Variants in PUS1 observed in about 807,000 individuals in gnomAD.
PUS1 encodes pseudouridylate synthase 1 homolog.
Under a neutral mutation model 38.5 loss-of-function variants are expected in PUS1, and 25 were observed. The ratio of observed to expected loss-of-function variants is 0.65; its 90% CI spans 0.47 to 0.91. The LOEUF is 0.91. PUS1 is among the 40% of genes least tolerant of loss of function. PUS1 has a pLI of 0.00. For synonymous variants in PUS1, 282 were observed against 260.4 expected (o/e 1.08, Z -0.80); for missense variants, 597 against 612.3 (o/e 0.97, Z 0.26).
intron 3 of PUS1, chr12:131,932,884 G>A (rs1335884749): frequency 9.3e-6 from 4 of 429,378 alleles, no homozygotes; most frequent in Non-Finnish European, 1.9e-5. Context: ...GCTCAAGATT[G>A]GGCAGTTTAT....
chr12:131,932,241 G>A lies in PUS1; in HGVS notation c.370G>A (p.Gly124Ser), dbSNP rs763044473. ...DDLVSALVRS[G>S]CIPENHGEDM... is the part of the protein sequence containing the mutation. The stretch of plus-strand genomic sequence containing the variant: ...CTTGGTGTCCGCCCTCGTCCGGTCA[G>A]GCTGTATTCCTGAAAATCATGGTGA... The change falls in exon 3 of 6, where the codon GGC becomes AGC. Residue 124 changes from glycine to serine, a missense_variant. Gly to Ser is a moderately conservative substitution (Grantham distance 56). Coordinates refer to ENST00000376649, the MANE Select transcript of PUS1 (RefSeq NM_025215.6). 6.2e-7 allele frequency: 1 copy of A among 1,614,094 alleles called. No homozygotes were observed.
At chr12:131,935,007 A>G (rs1258439898) in intron 3 of PUS1, 1 of 152,228 alleles carries the variant, frequency 6.6e-6, no homozygotes, top group Non-Finnish European at 1.5e-5. Flanking sequence ...GGGAGAACAC[A>G]AAGAGGGATC....
chr12:131,935,650 C>T (rs1210585454), intron 3 of PUS1, among the ~76,000 whole-genome samples: 1 of 152,156 alleles, frequency 6.6e-6, no homozygotes, highest in Non-Finnish European at 1.5e-5. Context: ...TCTCCTGCCT[C>T]AGCCTCCCGA....
At chr12:131,937,734 C>CA (rs1890893184) in intron 3 of PUS1, among the ~76,000 whole-genome samples, 1 of 152,038 alleles carries the variant, frequency 6.6e-6, no homozygotes, top group Admixed American at 6.6e-5. Context: ...TTTTTTGAGA[C>CA]AGAGTCTTGC....
In PUS1 at chr12:131,944,511, C is replaced by CAA. The variant is rs757212852; in HGVS notation, c.*934_*935dup. On this transcript the variant is annotated 3_prime_UTR_variant, in exon 6 of 6. Transcript: ENST00000376649. ...CCTGGGTGAGAGAGCCAAACTCCGTCAAAAAAAAAACAACAAAAAAACCCA... is the reference window on the plus strand; with the variant it reads ...CCTGGGTGAGAGAGCCAAACTCCGTCAAAAAAAAAAAACAACAAAAAAACCCA... 10 of 147,004 alleles carry CAA rather than the reference C, an allele frequency of 6.8e-5. 1 individual carries two copies. The highest frequency in any genetic ancestry group is 2.0e-4 in the African/African-American group (8 of 40,144). 9.1% of individuals were successfully genotyped at this position (147,004 alleles called of 1,614,324 possible). A position where few individuals can be genotyped will look rare whatever the true frequency, so the allele number is the denominator to read the frequency against.
rs1359136377 is a variant in PUS1, at chr12:131,941,349, A to G, written c.602A>G (p.Tyr201Cys). The G allele has an allele frequency of 2.2e-5, 35 of 1,614,120 alleles. No individual in the cohort carries two copies. Among genetic ancestry groups the G allele is most frequent in the Non-Finnish European group, 3.0e-5 (35 of 1,180,018 alleles). The change falls in exon 5 of 6, where the codon TAT becomes TGT. Residue 201 changes from tyrosine to cysteine, a missense_variant. By Grantham distance (194) the Tyr-to-Cys change is radical. Transcript: ENST00000376649. The surrounding 1 kb of genome is among the most constrained non-coding windows in gnomAD (Gnocchi z 4.4). ...NSKNRCDART[Y>C]CYLLPTFAFA... ...AAGAACAGATGTGATGCCAGGACCTATTGCTACCTGCTGCCCACGTTTGCC... is the reference window on the plus strand; with the variant it reads ...AAGAACAGATGTGATGCCAGGACCTGTTGCTACCTGCTGCCCACGTTTGCC...
intron 3 of PUS1, among the ~76,000 whole-genome samples, chr12:131,937,341 T>G (rs1277976729): frequency 6.6e-6 from 1 of 152,138 alleles, no homozygotes; most frequent in African/African-American, 2.4e-5. Context: ...TTTTACCATA[T>G]TATCATAGTT....
chr12:131,939,395 C>G (rs1380573587), intron 4 of PUS1, 120 bp downstream of exon 4: 3 of 750,172 alleles, frequency 4.0e-6, no homozygotes, highest in Non-Finnish European at 4.7e-6. Context: ...GTCAGAGTTG[C>G]TTTGCAGCTG....
In PUS1 at chr12:131,941,244, C is replaced by G. The variant is rs578033097; in HGVS notation, c.545-48C>G. The G allele has an allele frequency of 6.5e-7, 1 of 1,528,260 alleles. No individual in the cohort carries two copies. Among genetic ancestry groups the G allele is most frequent in the Admixed American group, 1.7e-5 (1 of 59,292 alleles). The allele number at this position is 1,528,260 out of a possible 1,614,324, so 94.7% of individuals were successfully genotyped here. On this transcript the variant is annotated intron_variant, in intron 4 of 5. Transcript: ENST00000376649. This position sits in a 1 kb window ranked among gnomAD's most constrained non-coding sequence, Gnocchi z 4.4. ...GTGCTCAGGCTGCTCCCTGGTCATC[C>G]AGGCACTTCTCACCTGCCTTTCTCC... is the stretch of plus-strand genomic sequence containing the variant.
At chr12:131,942,937 A>AGGGACGGCAGGGAGTTGGG (rs1289909456) in intron 5 of PUS1, among the ~76,000 whole-genome samples, 2 of 152,238 alleles carry the variant, frequency 1.3e-5, no homozygotes, top group African/African-American at 4.8e-5. Flanking sequence ...CCCCCAGCCC[A>AGGGACGGCAGGGAGTTGGG]GGGACGGCAG....
In PUS1 at chr12:131,944,132, G is replaced by C. The variant is rs954773630; in HGVS notation, c.*546G>C. On this transcript the variant is annotated 3_prime_UTR_variant, in exon 6 of 6. Coordinates refer to ENST00000376649, the MANE Select transcript of PUS1 (RefSeq NM_025215.6). ...CATGCCCTGTAGTTCAGCTGCTCAG[G>C]AGGCTGAGGTGGGAGGATTGCCTGA... 1.2e-5 allele frequency: 2 copies of C among 163,314 alleles called. No individual in the cohort carries two copies. Among genetic ancestry groups the C allele is most frequent in the East Asian group, 3.4e-4 (2 of 5,850 alleles). The allele number at this position is 163,314 out of a possible 1,614,324, so 10.1% of individuals were successfully genotyped here.
Position 131,929,992 on chromosome 12 carries a change from G to A in PUS1, c.160G>A (p.Gly54Arg), listed in dbSNP as rs750562665. The change falls in exon 2 of 6, where the codon GGG becomes AGG. Residue 54 changes from glycine (G) to arginine (R), a missense_variant. Physicochemically the swap from Gly to Arg is moderately radical, Grantham distance 125. Transcript: ENST00000376649. ...QDRRSCSGRA[G>R]GDRVWEDGEH... ...CCGGAGGTCCTGCAGCGGCCGGGCC[G>A]GGGGCGACCGCGTCTGGGAGGACGG... The A allele has an allele frequency of 1.3e-6, 2 of 1,482,422 alleles. No individual in the cohort carries two copies. Among genetic ancestry groups the A allele is most frequent in the Admixed American group, 2.6e-5 (1 of 38,130 alleles). The allele number at this position is 1,482,422 out of a possible 1,614,324, so 91.8% of individuals were successfully genotyped here. A position where few individuals can be genotyped will look rare whatever the true frequency, so the allele number is the denominator to read the frequency against.
chr12:131,942,038 T>C (rs1215093135), intron 5 of PUS1, 55 bp downstream of exon 5: 4 of 1,479,544 alleles, frequency 2.7e-6, no homozygotes, highest in Non-Finnish European at 2.8e-6. Flanking sequence ...ATTGTTCCCA[T>C]TGTACAGAGG....
chr12:131,930,433 G>A (rs1409819807), intron 2 of PUS1, among the ~76,000 whole-genome samples: 1 of 152,244 alleles, frequency 6.6e-6, no homozygotes, highest in African/African-American at 2.4e-5. Context: ...CTGCTAAGTA[G>A]AGTGTGAAGA....
chr12:131,942,719 T>C (rs994658556), intron 5 of PUS1, among the ~76,000 whole-genome samples: 2 of 152,332 alleles, frequency 1.3e-5, no homozygotes, highest in South Asian at 2.1e-4. Flanking sequence ...CTGAGTTCTT[T>C]CATGGTGGCC....
At chr12:131,943,341 C>T (rs1225121127) in intron 5 of PUS1, among the ~76,000 whole-genome samples, 198 bp from the exon 6 acceptor site, 2 of 152,238 alleles carry the variant, frequency 1.3e-5, no homozygotes, top group African/African-American at 4.8e-5. Context: ...CCTCTAGTGT[C>T]CCCAGCCCTT....
chr12:131,945,823 A>G lies in PUS1; in HGVS notation c.*2237A>G, dbSNP rs1259309113. On this transcript the variant is annotated 3_prime_UTR_variant, in exon 6 of 6. Coordinates refer to ENST00000376649, the MANE Select transcript of PUS1 (RefSeq NM_025215.6). ...GGGTGACCCATTTAAATCACTTTTG[A>G]TGATCCTGGGGTATGTGACATTTTA... is the stretch of plus-strand genomic sequence containing the variant. The G allele has an allele frequency of 6.6e-6, 1 of 152,134 alleles. No individual in the cohort carries two copies. Among genetic ancestry groups the G allele is most frequent in the Non-Finnish European group, 1.5e-5 (1 of 68,018 alleles). The allele number at this position is 152,134 out of a possible 1,614,324, so 9.4% of individuals were successfully genotyped here. A position where few individuals can be genotyped will look rare whatever the true frequency, so the allele number is the denominator to read the frequency against.
In PUS1 at chr12:131,944,280, G is replaced by C. The variant is rs191528818; in HGVS notation, c.*694G>C. 1.5e-3 allele frequency: 223 copies of C among 152,580 alleles called. 1 individual carries two copies. The highest frequency in any genetic ancestry group is 2.1e-3 in the Non-Finnish European group (147 of 68,406). 9.5% of individuals were successfully genotyped at this position (152,580 alleles called of 1,614,324 possible). On this transcript the variant is annotated 3_prime_UTR_variant, in exon 6 of 6. Transcript: ENST00000376649. ...TGTAATCCCAACACTTCGGGAGGCT[G>C]AGGCAGGTGGATTACTTGAGGTCGG...
chr12:131,932,538 T>C (rs1890651999), intron 3 of PUS1: 2 of 599,956 alleles, frequency 3.3e-6, no homozygotes, highest in South Asian at 3.9e-5. Context: ...CTCTGGTCTT[T>C]GCTTTCTCTT....
Sources: allele counts gnomAD v4.1 joint callset (sites outside exome capture counted in the v4.1 genomes callset), GRCh38; gene constraint gnomAD v4.1.1; non-coding constraint Gnocchi (gnomAD v3.1); transcripts MANE v1.5; gene names NCBI Gene and HGNC (gene_info 2026-07-23, HGNC 2026-07-21).